MOB3B: variants seen among roughly 807,000 people sequenced by gnomAD.
The protein encoded by MOB3B is MOB kinase activator 3B.
In MOB3B, 7 loss-of-function variants were observed where a neutral mutation model predicts 18.7. The observed-to-expected ratio is 0.37, with a 90% confidence interval of 0.21 to 0.70. The LOEUF is 0.70. Among genes scored for constraint, MOB3B ranks in the 30% least tolerant of loss-of-function variants. The pLI, the probability that MOB3B is intolerant of heterozygous loss-of-function variation, is 0.52. For missense variants in MOB3B, 253 were observed against 281.3 expected (o/e 0.90, Z 0.72); for synonymous variants, 111 against 99.9 (o/e 1.11, Z -0.66).
rs756275032 is a variant in MOB3B at position 27,404,347 on chromosome 9, C to CTTTTTTT, written c.419-45118_419-45112dup. Among the ~76,000 whole-genome samples, 134 of 75,190 alleles carry CTTTTTTT rather than the reference C, an allele frequency of 1.8e-3. 3 individuals are homozygous for CTTTTTTT. Among genetic ancestry groups the CTTTTTTT allele is most frequent in the East Asian group, 4.2e-3 (8 of 1,894 alleles). The allele number at this position is 75,190 out of a possible 152,430, so 49.3% of individuals were successfully genotyped here. On this transcript the variant is annotated intron_variant, in intron 2 of 3. Transcript: ENST00000262244. ...TCTTTCTTTCTTTCCTTCTTTCTTT[C>CTTTTTTT]TTTTTTTTTTTTTTTTTTTTTTTTT...
At chr9:27,354,600 C>T (rs532727502) in intron 3 of MOB3B, among the ~76,000 whole-genome samples, 3 of 152,210 alleles carry the variant, frequency 2.0e-5, no homozygotes, top group African/African-American at 4.8e-5. Flanking sequence ...AGATAAGGGG[C>T]GTATTGAAGA....
intron 2 of MOB3B, among the ~76,000 whole-genome samples, chr9:27,401,075 A>G (rs570780148): frequency 5.9e-4 from 90 of 152,346 alleles, no homozygotes; most frequent in African/African-American, 1.9e-3. Context: ...TATGGCACCC[A>G]AGAGCAGAAG....
intron 1 of MOB3B, among the ~76,000 whole-genome samples, chr9:27,528,764 T>G: frequency 6.7e-6 from 1 of 148,886 alleles, no homozygotes; most frequent in Non-Finnish European, 1.5e-5. Flanking sequence ...GGGGAGAGGG[T>G]CAGGAAAGAG....
intron 1 of MOB3B, among the ~76,000 whole-genome samples, chr9:27,465,899 C>T (rs761450035): frequency 3.3e-5 from 5 of 152,114 alleles, no homozygotes; most frequent in African/African-American, 7.2e-5. Context: ...ATCCTGGGAC[C>T]GGCCCACAAA....
intron 2 of MOB3B, among the ~76,000 whole-genome samples, chr9:27,408,197 T>C (rs1822015485): frequency 6.6e-6 from 1 of 152,154 alleles, no homozygotes; most frequent in South Asian, 2.1e-4. Context: ...GCTGCATGGT[T>C]TAAATACAAT....
intron 3 of MOB3B, among the ~76,000 whole-genome samples, chr9:27,334,356 G>A (rs1563842678): frequency 6.6e-6 from 1 of 152,032 alleles, no homozygotes. Flanking sequence ...AAGAAAACAA[G>A]ACCGGTTATT....
intron 1 of MOB3B, among the ~76,000 whole-genome samples, chr9:27,467,545 C>T (rs1819403641): frequency 6.6e-6 from 1 of 152,222 alleles, no homozygotes; most frequent in Non-Finnish European, 1.5e-5. Context: ...TGAGGCACCT[C>T]AGAGGGAAGC....
chr9:27,410,236 A>G lies in MOB3B; in HGVS notation c.418+44897T>C, dbSNP rs1363955619. 3.3e-5 allele frequency among the ~76,000 whole-genome samples: 5 copies of G among 152,310 alleles called. No homozygotes were observed. The East Asian group carries it at 9.7e-4, about 29-fold the overall frequency. ...CCATTCATTCTATCAGTGGATTTCAAAGTGAGTATGACATTTAGGGAAATA... is the reference window on the plus strand; with the variant it reads ...CCATTCATTCTATCAGTGGATTTCAGAGTGAGTATGACATTTAGGGAAATA... On this transcript the variant is annotated intron_variant, in intron 2 of 3. Transcript: ENST00000262244.
At chr9:27,401,034 G>A (rs567196572) in intron 2 of MOB3B, among the ~76,000 whole-genome samples, 2 of 152,286 alleles carry the variant, frequency 1.3e-5, no homozygotes, top group Non-Finnish European at 2.9e-5. Context: ...TTCAAGCTAC[G>A]GAAGGCAACA....
intron 1 of MOB3B, among the ~76,000 whole-genome samples, chr9:27,513,666 C>T (rs1480856139): frequency 6.6e-6 from 1 of 152,184 alleles, no homozygotes; most frequent in Non-Finnish European, 1.5e-5. Flanking sequence ...CAGCTTTGTA[C>T]ACAGTTGACT....
At position 27,326,974 on chromosome 9, in the gene MOB3B, G is replaced by T. The variant is rs567673957; in HGVS notation, c.*3613C>A. ...GTGTGCTCTCTATAAATAAACTATG[G>T]GTCCAAATGGGAGGTCATTGAAGAC... On this transcript the variant is annotated 3_prime_UTR_variant, in exon 4 of 4. Transcript: ENST00000262244. The T allele has an allele frequency of 1.0e-3, 165 of 162,444 alleles. 1 individual carries two copies. Among genetic ancestry groups the T allele is most frequent in the Admixed American group, 3.7e-3 (58 of 15,540 alleles). 10.1% of individuals were successfully genotyped at this position (162,444 alleles called of 1,614,324 possible). A position where few individuals can be genotyped will look rare whatever the true frequency, so the allele number is the denominator to read the frequency against.
At chr9:27,374,858 G>A (rs1821469860) in intron 2 of MOB3B, among the ~76,000 whole-genome samples, 1 of 152,216 alleles carries the variant, frequency 6.6e-6, no homozygotes, top group African/African-American at 2.4e-5. Flanking sequence ...CTCATCTGAG[G>A]AGCCCCATTC....
chr9:27,507,735 T>C (rs1168660714), intron 1 of MOB3B, among the ~76,000 whole-genome samples: 2 of 152,180 alleles, frequency 1.3e-5, no homozygotes, highest in African/African-American at 4.8e-5. Context: ...CAGTTATATC[T>C]CAACATGCAG....
rs529235614 is a variant in MOB3B, at chr9:27,527,635, G to A, written c.-199+1920C>T. On this transcript the variant is annotated intron_variant, in intron 1 of 3. Transcript: ENST00000262244. ...AGCCTCTTTCTTCCCCTGGGTTGAG[G>A]AGGAATCAAAAGTGTAATTGAGCTT... 3.0e-4 allele frequency among the ~76,000 whole-genome samples: 45 copies of A among 152,336 alleles called. 1 individual carries two copies. Among genetic ancestry groups the A allele is most frequent in the African/African-American group, 9.6e-4 (40 of 41,580 alleles).
In MOB3B at chr9:27,326,546, T is replaced by C. The variant is rs944665617; in HGVS notation, c.*4041A>G. 2 of 398,564 alleles carry C rather than the reference T, an allele frequency of 5.0e-6. No homozygotes were observed. The highest frequency in any genetic ancestry group is 8.8e-6 in the Non-Finnish European group (2 of 226,048). The allele number at this position is 398,564 out of a possible 1,614,324, so 24.7% of individuals were successfully genotyped here. On this transcript the variant is annotated 3_prime_UTR_variant, in exon 4 of 4. Transcript: ENST00000262244. ...GGGTTGGTTATACCAAAGAATGCTATAGAATTTCCATGCCCGAAGAACTGT... is the reference window on the plus strand; with the variant it reads ...GGGTTGGTTATACCAAAGAATGCTACAGAATTTCCATGCCCGAAGAACTGT...
intron 1 of MOB3B, among the ~76,000 whole-genome samples, chr9:27,499,597 A>G (rs911019680): frequency 1.3e-5 from 2 of 152,208 alleles, no homozygotes; most frequent in African/African-American, 4.8e-5. Context: ...AGGTCCCATT[A>G]CCTAGGACTC....
At chr9:27,522,268 A>AT (rs1563889764) in intron 1 of MOB3B, among the ~76,000 whole-genome samples, 24 of 130,814 alleles carry the variant, frequency 1.8e-4, no homozygotes, top group African/African-American at 3.1e-4. Context: ...AAAAAAAAAG[A>AT]AAAGAAAGAA....
At chr9:27,373,856 C>T (rs770801174) in intron 2 of MOB3B, among the ~76,000 whole-genome samples, 11 of 152,284 alleles carry the variant, frequency 7.2e-5, no homozygotes, top group Non-Finnish European at 1.2e-4. Context: ...GGCCAAAAGC[C>T]GCCTCCTCTA....
chr9:27,401,983 A>G (rs7869197), intron 2 of MOB3B, among the ~76,000 whole-genome samples: 32,502 of 152,144 alleles, frequency 0.21, 4,515 homozygotes, highest in East Asian at 0.67. Context: ...TGTCCTGTAG[A>G]GAATACAGCA....
Sources: allele counts gnomAD v4.1 joint callset (sites outside exome capture counted in the v4.1 genomes callset), GRCh38; gene constraint gnomAD v4.1.1; transcripts MANE v1.5; gene names NCBI Gene and HGNC (gene_info 2026-07-23, HGNC 2026-07-21).